OASL: variants seen among roughly 807,000 people sequenced by gnomAD.
The protein encoded by OASL is 2'-5'-oligoadenylate synthetase like.
Under a neutral mutation model 35.3 loss-of-function variants are expected in OASL, and 28 were observed. The ratio of observed to expected loss-of-function variants is 0.79; its 90% confidence interval spans 0.59 to 1.09. OASL has a LOEUF of 1.09. Among genes scored for constraint, OASL ranks in the 50% least tolerant of loss-of-function variants. The probability of loss-of-function intolerance (pLI) is 0.00; values close to 1 mark genes in which losing one functional copy is unlikely to be tolerated. For missense variants in OASL, 620 were observed against 635.2 expected (o/e 0.98, Z 0.26); for synonymous variants, 252 against 254.6 (o/e 0.99, Z 0.10).
intron 1 of OASL, among the ~76,000 whole-genome samples, chr12:121,036,637 A>T (rs1869967786): frequency 6.6e-6 from 1 of 152,104 alleles, no homozygotes; most frequent in Non-Finnish European, 1.5e-5. Flanking sequence ...TGCAAAGATT[A>T]GCCAGGCGTG....
At chr12:121,039,130 C>T (rs1870083071) in exon 1 of OASL, 1 of 631,788 alleles carries the variant, frequency 1.6e-6, no homozygotes, top group Non-Finnish European at 2.8e-6. Flanking sequence ...GTGTGACGGG[C>T]TGACTCCAGG....
chr12:121,020,880 C>A, exon 6 of OASL: 1 of 1,614,208 alleles, frequency 6.2e-7, no homozygotes, highest in Non-Finnish European at 8.5e-7. Flanking sequence ...GGAGCACCTG[C>A]TGCTGAGAAG....
At chr12:121,031,361 C>T in intron 3 of OASL, 81 bp downstream of exon 3, 6 of 1,415,064 alleles carry the variant, frequency 4.2e-6, no homozygotes, top group South Asian at 1.2e-5. Flanking sequence ...GCTGCAGCTT[C>T]CTGAGATGAA....
intron 4 of OASL, among the ~76,000 whole-genome samples, chr12:121,025,095 G>A (rs1057015526): frequency 2.0e-4 from 30 of 149,132 alleles, no homozygotes; most frequent in Admixed American, 8.1e-4. Context: ...TCTCTGCCTC[G>A]GCCTCCTGAG....
intron 1 of OASL, among the ~76,000 whole-genome samples, chr12:121,037,652 G>A (rs751088738): frequency 1.3e-5 from 2 of 151,792 alleles, no homozygotes; most frequent in Non-Finnish European, 2.9e-5. Context: ...GGGCGCTGTC[G>A]TCCCAGCTAC....
chr12:121,027,496 C>A, intron 4 of OASL, 80 bp downstream of exon 4: 1 of 1,583,010 alleles, frequency 6.3e-7, no homozygotes, highest in Non-Finnish European at 8.6e-7. Context: ...ACAGCCAATC[C>A]ATAAAACTCT....
chr12:121,037,861 G>A (rs1410738085), intron 1 of OASL, among the ~76,000 whole-genome samples: 1 of 151,986 alleles, frequency 6.6e-6, no homozygotes, highest in Non-Finnish European at 1.5e-5. Context: ...GGAGGCCAAG[G>A]TGGGCATATT....
chr12:121,023,220 T>G (rs1869317896), intron 5 of OASL, among the ~76,000 whole-genome samples: 3 of 152,084 alleles, frequency 2.0e-5, no homozygotes, highest in Non-Finnish European at 4.4e-5. Context: ...TAAGTTTGTT[T>G]CATGGATTTG....
At chr12:121,031,399 C>G in intron 3 of OASL, 43 bp downstream of exon 3, 2 of 1,597,122 alleles carry the variant, frequency 1.3e-6, no homozygotes, top group Non-Finnish European at 1.7e-6. Flanking sequence ...CCTCCTCACC[C>G]TCTTCCCTCT....
chr12:121,028,859 G>A (rs1869608520), intron 3 of OASL, among the ~76,000 whole-genome samples: 1 of 152,004 alleles, frequency 6.6e-6, no homozygotes, highest in Non-Finnish European at 1.5e-5. Flanking sequence ...GAGGCCAGGA[G>A]TTCGAGACCA....
intron 4 of OASL, among the ~76,000 whole-genome samples, chr12:121,024,468 A>C (rs961212609): frequency 7.2e-5 from 11 of 152,106 alleles, no homozygotes; most frequent in Non-Finnish European, 1.2e-4. Flanking sequence ...AATACAAAAA[A>C]TTAGCCAGGT....
chr12:121,023,931 A>C, intron 5 of OASL, 59 bp downstream of exon 5: 5 of 1,593,002 alleles, frequency 3.1e-6, no homozygotes, highest in Non-Finnish European at 4.3e-6. Flanking sequence ...GTAAATACTG[A>C]GTAGTTTATC....
In OASL at chr12:121,033,493, G is replaced by A. The variant is rs148528798; in HGVS notation, c.449C>T (p.Thr150Met). Reference sequence around the variant, plus strand: ...TCTGTAGGCAGGCACAATGGTGACCGTGATGGGCTCCGCAGTCCCCCTGGT... The same window carrying A: ...TCTGTAGGCAGGCACAATGGTGACCATGATGGGCTCCGCAGTCCCCCTGGT... The change falls in exon 2 of 6, where the codon ACG becomes ATG. Residue 150 changes from threonine (T) to methionine (M), a missense_variant. Coordinates refer to ENST00000257570, the Ensembl canonical transcript of OASL. 2.5e-4 allele frequency: 410 copies of A among 1,613,696 alleles called. 1 individual carries two copies. Among genetic ancestry groups the A allele is most frequent in the Non-Finnish European group, 2.7e-4 (322 of 1,179,660 alleles).
chr12:121,027,892 T>A, intron 3 of OASL, 75 bp from the exon 4 acceptor site: 1 of 1,334,654 alleles, frequency 7.5e-7, no homozygotes, highest in Non-Finnish European at 1.1e-6. Context: ...GACCAGAAGC[T>A]GAGAAATCCA....
intron 3 of OASL, among the ~76,000 whole-genome samples, chr12:121,029,938 A>G (rs1324106784): frequency 2.0e-5 from 3 of 152,116 alleles, no homozygotes; most frequent in Non-Finnish European, 4.4e-5. Flanking sequence ...AAAAATACCC[A>G]GCTCAACTTA....
chr12:121,027,580 C>T, exon 4 of OASL: 1 of 1,614,096 alleles, frequency 6.2e-7, no homozygotes, highest in Non-Finnish European at 8.5e-7. Context: ...CAGTACCTCT[C>T]TTTTTTGAGC....
chr12:121,038,836 G>A lies in OASL; in HGVS notation c.136C>T (p.Gln46Ter). The change falls in exon 1 of 6, where the codon CAG (glutamine) becomes TAG (stop). Residue 46 changes from glutamine to a stop codon, truncating the protein, a stop_gained. Coordinates refer to ENST00000257570, the Ensembl canonical transcript of OASL. LOFTEE classifies it high-confidence loss of function. ...CCACGCTTCCCCTGGAAATGCTCCT[G>A]CCTCAGAAACTCCTCCACGGTCCGC... 4 of 1,614,092 alleles carry A rather than the reference G, an allele frequency of 2.5e-6. No homozygotes were observed. Among genetic ancestry groups the A allele is most frequent in the Non-Finnish European group, 3.4e-6 (4 of 1,180,010 alleles).
chr12:121,020,890 G>A, exon 6 of OASL: 1 of 1,614,198 alleles, frequency 6.2e-7, no homozygotes, highest in East Asian at 2.2e-5. Context: ...CTGCTGAGAA[G>A]CTGCCTCTCA....
At chr12:121,018,176 C>T (rs1234833599), downstream of OASL, among the ~76,000 whole-genome samples, 1 of 152,068 alleles carries the variant, frequency 6.6e-6, no homozygotes, top group Non-Finnish European at 1.5e-5. Context: ...TGTGTTGGTT[C>T]GAACCCCAAG....
Sources: gnomAD v4.1 joint callset for allele counts (sites outside exome capture counted in the v4.1 genomes callset) on GRCh38, gnomAD v4.1.1 for gene constraint, MANE v1.5 for transcripts, NCBI Gene and HGNC (gene_info 2026-07-23, HGNC 2026-07-21) for gene names.